The following CFAP161 variants were observed in gnomAD, a reference collection of about 807,000 sequenced individuals.
CFAP161 encodes the protein cilia- and flagella-associated protein 161.
Under a neutral mutation model 29.0 loss-of-function variants are expected in CFAP161, and 25 were observed. The observed-to-expected ratio is 0.86, with a 90% CI of 0.63 to 1.20. The LOEUF (loss-of-function observed/expected upper bound fraction) is 1.20. Among genes scored for constraint, CFAP161 ranks in the 50% most tolerant of loss-of-function variants. The pLI, the probability that CFAP161 is intolerant of heterozygous loss-of-function variation, is 0.00. For missense variants in CFAP161, 367 were observed against 371.9 expected (o/e 0.99, Z 0.11); for synonymous variants, 116 against 137.4 (o/e 0.84, Z 1.09).
chr15:81,138,194 A>T (rs1894845698), intron 4 of CFAP161, 59 bp downstream of exon 4: 3 of 1,325,058 alleles, frequency 2.3e-6, no homozygotes, highest in Non-Finnish European at 3.3e-6. Flanking sequence ...CCAAAATGGG[A>T]TCATAACTAT....
upstream of CFAP161, among the ~76,000 whole-genome samples, chr15:81,133,372 A>G (rs1056628813): frequency 1.3e-5 from 2 of 151,556 alleles, no homozygotes; most frequent in African/African-American, 4.8e-5. Flanking sequence ...GCACATCTTT[A>G]ATTGCATTTT....
At chr15:81,117,899 C>A (rs566566788) in intron 1 of CFAP161, 4 of 412,924 alleles carry the variant, frequency 9.7e-6, no homozygotes, top group Non-Finnish European at 1.4e-5. Flanking sequence ...TCCTCTTTAT[C>A]CACACCATCC....
intron 1 of CFAP161, among the ~76,000 whole-genome samples, chr15:81,125,015 C>T (rs986220391): frequency 6.6e-6 from 1 of 151,274 alleles, no homozygotes; most frequent in Non-Finnish European, 1.5e-5. Context: ...GGAAATGACC[C>T]AGGCATAGAT....
At chr15:81,116,069 G>A (rs1387655940) in intron 1 of CFAP161, among the ~76,000 whole-genome samples, 1 of 152,106 alleles carries the variant, frequency 6.6e-6, no homozygotes, top group African/African-American at 2.4e-5. Flanking sequence ...TTCCAGAGAA[G>A]AATGTGTTTA....
upstream of CFAP161, among the ~76,000 whole-genome samples, chr15:81,132,317 G>A (rs1444124312): frequency 1.3e-5 from 2 of 152,058 alleles, no homozygotes; most frequent in African/African-American, 4.8e-5. Context: ...TAGTAGGATG[G>A]CATATTTAAA....
intron 5 of CFAP161, among the ~76,000 whole-genome samples, chr15:81,146,282 A>G (rs565389704): frequency 1.2e-3 from 176 of 152,308 alleles, no homozygotes; most frequent in African/African-American, 3.5e-3. Flanking sequence ...TACATGAGTC[A>G]GGATTTTGAA....
chr15:81,114,733 G>T (rs145746780), intron 1 of CFAP161, among the ~76,000 whole-genome samples: 7,135 of 152,134 alleles, frequency 0.047, 253 homozygotes, highest in Non-Finnish European at 0.068. Context: ...GCGCGATCTC[G>T]GCTCACTGCA....
intron 1 of CFAP161, among the ~76,000 whole-genome samples, chr15:81,112,250 C>G (rs1894447831): frequency 6.6e-6 from 1 of 151,312 alleles, no homozygotes; most frequent in Non-Finnish European, 1.5e-5. Flanking sequence ...CCAACAAGAA[C>G]TTTTAAACTT....
At chr15:81,122,372 T>A (rs1444829425) in intron 1 of CFAP161, among the ~76,000 whole-genome samples, 1 of 152,212 alleles carries the variant, frequency 6.6e-6, no homozygotes, top group Non-Finnish European at 1.5e-5. Context: ...CTCACCAGCA[T>A]CTGCTATTTT....
At chr15:81,146,634 C>G (rs189907389) in intron 5 of CFAP161, among the ~76,000 whole-genome samples, 97 of 151,414 alleles carry the variant, frequency 6.4e-4, no homozygotes, top group African/African-American at 2.2e-3. Context: ...ATGTGTCACT[C>G]AATGATGGGG....
At chr15:81,134,224 A>T, upstream of CFAP161, 2 of 1,340,514 alleles carry the variant, frequency 1.5e-6, no homozygotes, top group East Asian at 5.1e-5. Flanking sequence ...ATTGGCCAGC[A>T]GGGTCCCAGA....
At chr15:81,136,427 G>A in intron 2 of CFAP161, 89 bp from the exon 3 acceptor site, 1 of 1,114,224 alleles carries the variant, frequency 9.0e-7, no homozygotes, top group Non-Finnish European at 1.3e-6. Flanking sequence ...AATGAAATGG[G>A]TACTAGTCCG....
At chr15:81,126,604 CT>C (rs1302386397) in intron 1 of CFAP161, among the ~76,000 whole-genome samples, 1 of 152,144 alleles carries the variant, frequency 6.6e-6, no homozygotes, top group Non-Finnish European at 1.5e-5. Flanking sequence ...GGACAGATAC[CT>C]TACGTTATTG....
At chr15:81,146,271 T>A (rs1001757974) in intron 5 of CFAP161, among the ~76,000 whole-genome samples, 15 of 152,156 alleles carry the variant, frequency 9.9e-5, no homozygotes, top group African/African-American at 3.6e-4. Context: ...AGCTTTTAAC[T>A]TACATGAGTC....
At position 81,144,067 on chromosome 15, in the gene CFAP161, G is replaced by A. The variant is rs867512349; in HGVS notation, c.636+247G>A. On this transcript the variant is annotated intron_variant, in intron 5 of 6. Transcript: ENST00000286732. ...TAGCTCAAATGCCTTATGACTTTCTGTCTCTTTTCCGTTTGTAACACAAGT... is the reference window on the plus strand; with the variant it reads ...TAGCTCAAATGCCTTATGACTTTCTATCTCTTTTCCGTTTGTAACACAAGT... Among the ~76,000 whole-genome samples the A allele has an allele frequency of 2.0e-5, 3 of 150,988 alleles. 1 individual carries two copies. The highest frequency in any genetic ancestry group is 4.2e-4 in the South Asian group (2 of 4,802).
At position 81,126,783 on chromosome 15, in the gene CFAP161, G is replaced by A. The variant is rs117249623; in HGVS notation, c.-141-807G>A. Among the ~76,000 whole-genome samples, 93 of 152,240 alleles carry A rather than the reference G, an allele frequency of 6.1e-4. 4 individuals carry two copies. The East Asian group carries it at 0.018, about 29-fold the overall frequency. On this transcript the variant is annotated intron_variant, in intron 1 of 4. Coordinates refer to the CFAP161 transcript ENST00000560091. ...TTTCTAAAAGATATCAGGGTTGTTG[G>A]TTAGCACGGAACTATTGGAATTTGC...
At chr15:81,134,785 T>A (rs74495184) in intron 1 of CFAP161, among the ~76,000 whole-genome samples, 6,556 of 152,044 alleles carry the variant, frequency 0.043, 473 homozygotes, top group African/African-American at 0.15. Flanking sequence ...AGAAATAATA[T>A]CCCTCCCCAC....
At chr15:81,102,748 G>C (rs1894317968) in intron 1 of CFAP161, among the ~76,000 whole-genome samples, 1 of 152,206 alleles carries the variant, frequency 6.6e-6, no homozygotes, top group South Asian at 2.1e-4. Context: ...ATCTGTGGCA[G>C]GCAAACCCAA....
Position 81,136,519 on chromosome 15 carries a change from C to G in CFAP161, c.163C>G (p.Gln55Glu). The G allele has an allele frequency of 1.2e-6, 2 of 1,613,862 alleles. No homozygotes were observed. The highest frequency in any genetic ancestry group is 1.1e-5 in the South Asian group (1 of 91,060). ...TAAACTACTATCAAAATTGTAGATG[C>G]AACTTTCCGTAACTGAAGATGGCTA... ...RLKQNLLRPM[Q>E]LSVTEDGYIH... is the part of the protein sequence containing the mutation. Residue 55 changes from glutamine (Q) to glutamate (E), a missense_variant, in exon 3 of 7, where the codon CAA (glutamine) becomes GAA (glutamate). Transcript: ENST00000286732.
Sources: gnomAD v4.1 joint callset for allele counts (sites outside exome capture counted in the v4.1 genomes callset) on GRCh38, gnomAD v4.1.1 for gene constraint, MANE v1.5 for transcripts, NCBI Gene and HGNC (gene_info 2026-07-23, HGNC 2026-07-21) for gene names.